The following NR2C1 variants were observed in gnomAD, a reference collection of about 807,000 sequenced individuals.
The protein encoded by NR2C1 is TR2 nuclear hormone receptor.
In NR2C1, 33 loss-of-function variants were observed where a neutral mutation model predicts 74.8. The observed-to-expected ratio is 0.44, with a 90% confidence interval of 0.33 to 0.59. The LOEUF is 0.59. NR2C1 is among the 20% of genes least tolerant of loss of function. The probability of loss-of-function intolerance (pLI) is 0.02; values close to 1 mark genes in which losing one functional copy is unlikely to be tolerated. For synonymous variants in NR2C1, 225 were observed against 240.6 expected (o/e 0.94, Z 0.60); for missense variants, 568 against 715.6 (o/e 0.79, Z 2.35).
rs905079010 is a variant in NR2C1 at position 95,032,457 on chromosome 12, C to CA, written c.1254-970dup. Among the ~76,000 whole-genome samples, 485 of 90,570 alleles carry CA rather than the reference C, an allele frequency of 5.4e-3. 2 individuals are homozygous for CA. The highest frequency in any genetic ancestry group is 0.023 in the Middle Eastern group (3 of 130). The allele number at this position is 90,570 out of a possible 152,430, so 59.4% of individuals were successfully genotyped here. On this transcript the variant is annotated intron_variant, in intron 10 of 13. Transcript: ENST00000333003. ...TGGGTGACACAGCGAGACTCCGTCT[C>CA]AAAAAAAAAAAGGAAAAAAAAAAAG...
intron 10 of NR2C1, among the ~76,000 whole-genome samples, chr12:95,038,811 T>TG (rs1334613855): frequency 2.6e-5 from 4 of 152,212 alleles, no homozygotes; most frequent in African/African-American, 9.7e-5. Flanking sequence ...AGTGTGTACT[T>TG]GGTTTTCTGT....
chr12:95,022,838 G>C (rs964136482), intron 13 of NR2C1, among the ~76,000 whole-genome samples: 6 of 151,796 alleles, frequency 4.0e-5, no homozygotes, highest in African/African-American at 1.2e-4. Flanking sequence ...GTGGCTACAG[G>C]AGTGTGCCAC....
chr12:95,035,259 G>C lies in NR2C1; in HGVS notation c.1254-3771C>G, dbSNP rs570099653. On this transcript the variant is annotated intron_variant, in intron 10 of 13. Coordinates refer to ENST00000333003, the MANE Select transcript of NR2C1 (RefSeq NM_003297.4). ...CTAGTAGGACACCAAACTGTTAACAGTGGGGTTAGTTACCTCTGGTGAGTG... is the reference window on the plus strand; with the variant it reads ...CTAGTAGGACACCAAACTGTTAACACTGGGGTTAGTTACCTCTGGTGAGTG... Among the ~76,000 whole-genome samples the C allele has an allele frequency of 4.6e-5, 7 of 152,290 alleles. No individual in the cohort carries two copies. In the East Asian group the frequency reaches 1.2e-3, roughly 25 times the overall value.
chr12:95,051,368 A>G (rs1344895252), intron 8 of NR2C1, among the ~76,000 whole-genome samples: 2 of 152,216 alleles, frequency 1.3e-5, no homozygotes, highest in African/African-American at 2.4e-5. Flanking sequence ...TCCCCCAAGT[A>G]AGCACGCCCA....
At chr12:95,070,842 G>A (rs1013137271) in intron 1 of NR2C1, among the ~76,000 whole-genome samples, 11 of 152,156 alleles carry the variant, frequency 7.2e-5, no homozygotes, top group Non-Finnish European at 1.5e-4. Context: ...GTCAAACTAC[G>A]ATGTTCTTTA....
chr12:95,031,553 G>T, intron 10 of NR2C1, 65 bp from the exon 11 acceptor site: 1 of 1,276,370 alleles, frequency 7.8e-7, no homozygotes, highest in Non-Finnish European at 1.1e-6. Context: ...AAACCTTACA[G>T]CTAGTCCAAA....
At chr12:95,071,497 T>C (rs1018740398) in intron 1 of NR2C1, among the ~76,000 whole-genome samples, 1 of 152,140 alleles carries the variant, frequency 6.6e-6, no homozygotes, top group Non-Finnish European at 1.5e-5. Context: ...GGATTATACA[T>C]TGTGTGGCAG....
At chr12:95,025,919 T>A (rs555537006) in intron 12 of NR2C1, among the ~76,000 whole-genome samples, 2 of 151,560 alleles carry the variant, frequency 1.3e-5, no homozygotes, top group South Asian at 4.2e-4. Flanking sequence ...TAAAAAGACA[T>A]CTTAAGGCTG....
At chr12:95,039,832 G>A (rs993310477) in intron 10 of NR2C1, among the ~76,000 whole-genome samples, 2 of 152,050 alleles carry the variant, frequency 1.3e-5, no homozygotes, top group African/African-American at 4.8e-5. Flanking sequence ...TAGAGACAGG[G>A]TTTCACTCTG....
intron 1 of NR2C1, chr12:95,072,567 A>G (rs1474002038): frequency 1.3e-5 from 2 of 151,842 alleles, no homozygotes; most frequent in African/African-American, 4.8e-5. Context: ...GCGGTACTAA[A>G]CCCTAAAGGC....
At chr12:95,072,889 A>C (rs962250294) in intron 1 of NR2C1, 1 of 152,222 alleles carries the variant, frequency 6.6e-6, no homozygotes, top group African/African-American at 2.4e-5. Context: ...CCGTGAAAGC[A>C]CGGGAGTTAG....
At chr12:95,028,765 G>A (rs1473238502) in intron 11 of NR2C1, among the ~76,000 whole-genome samples, 1 of 152,048 alleles carries the variant, frequency 6.6e-6, no homozygotes, top group Admixed American at 6.6e-5. Context: ...AAGTAGCTGG[G>A]ACTAGAGGCG....
chr12:95,051,667 GAAACTTTTATAAATA>G, intron 8 of NR2C1, 80 bp downstream of exon 8: 1 of 1,130,016 alleles, frequency 8.8e-7, no homozygotes, highest in East Asian at 2.6e-5. Context: ...TTTGTTTTCT[GAAACTTTTATAAATA>G]GCATTTAACA....
chr12:95,041,531 AT>A (rs1383179080), intron 9 of NR2C1, among the ~76,000 whole-genome samples: 1 of 152,110 alleles, frequency 6.6e-6, no homozygotes, highest in Non-Finnish European at 1.5e-5. Context: ...TAAAAAAAAA[AT>A]GTTTTAAAAA....
Position 95,062,495 on chromosome 12 carries a change from T to A in NR2C1, c.285+13A>T, listed in dbSNP as rs1419504306. On this transcript the variant is annotated intron_variant, in intron 3 of 13. Transcript: ENST00000333003. ...TATATGTAAGAGGAAAAGACACTTC[T>A]ATAGTTATTTACCTGCAGGTGTTGT... 7 of 1,560,256 alleles carry A rather than the reference T, an allele frequency of 4.5e-6. No individual in the cohort carries two copies. The highest frequency in any genetic ancestry group is 5.3e-6 in the Non-Finnish European group (6 of 1,141,764).
Position 95,040,579 on chromosome 12 carries a change from TAGG to T in NR2C1, c.1147_1149del (p.Pro383del), listed in dbSNP as rs1565846487. 3 of 1,612,750 alleles carry T rather than the reference TAGG, an allele frequency of 1.9e-6. No individual in the cohort carries two copies. Among genetic ancestry groups the T allele is most frequent in the South Asian group, 2.2e-5 (2 of 90,880 alleles). On this transcript the variant is annotated inframe_deletion, in exon 10 of 14. Transcript: ENST00000333003. ...TAGTGCACATTCAGGTACTCAGGCATAGGAGAAGGCATGGTGAGCTAGTATGAA... is the reference window on the plus strand; with the variant it reads ...TAGTGCACATTCAGGTACTCAGGCATAGAAGGCATGGTGAGCTAGTATGAA...
chr12:95,029,069 G>T (rs528579529), intron 11 of NR2C1, among the ~76,000 whole-genome samples: 2 of 152,062 alleles, frequency 1.3e-5, no homozygotes, highest in Non-Finnish European at 2.9e-5. Flanking sequence ...TATAAAAATC[G>T]TAAGTAGAAA....
In NR2C1 at chr12:95,022,112, G is replaced by A; in HGVS notation, c.*117C>T. On this transcript the variant is annotated 3_prime_UTR_variant, in exon 14 of 14. Transcript: ENST00000333003. ...GGGAAGCTAAAATAAAAATACCTTG[G>A]ATTCTGGTTACTTTTTAAAGTAAAA... is the stretch of plus-strand genomic sequence containing the variant. 2 of 731,424 alleles carry A rather than the reference G, an allele frequency of 2.7e-6. No homozygotes were observed. The highest frequency in any genetic ancestry group is 6.2e-5 in the East Asian group (2 of 32,338). 45.3% of individuals were successfully genotyped at this position (731,424 alleles called of 1,614,324 possible). A position where few individuals can be genotyped will look rare whatever the true frequency, so the allele number is the denominator to read the frequency against.
intron 1 of NR2C1, chr12:95,072,838 G>T (rs1412877814): frequency 2.0e-5 from 3 of 152,292 alleles, no homozygotes; most frequent in Non-Finnish European, 4.4e-5. Context: ...CAGATTTGCC[G>T]TGAGAGAAAA....
Sources: allele counts gnomAD v4.1 joint callset (sites outside exome capture counted in the v4.1 genomes callset), GRCh38; gene constraint gnomAD v4.1.1; transcripts MANE v1.5; gene names NCBI Gene and HGNC (gene_info 2026-07-23, HGNC 2026-07-21).